Variants in ELAVL2 observed in about 807,000 individuals in gnomAD.
The protein encoded by ELAVL2 is ELAV like RNA binding protein 2.
Under a neutral mutation model 34.6 loss-of-function variants are expected in ELAVL2, and 4 were observed. The ratio of observed to expected loss-of-function variants is 0.12; its 90% CI spans 0.06 to 0.26. The LOEUF is 0.26. Among genes scored for constraint, ELAVL2 ranks in the 10% least tolerant of loss-of-function variants. The pLI is 1.00. For synonymous variants in ELAVL2, 193 were observed against 154.8 expected (o/e 1.25, Z -1.83); for missense variants, 432 against 442.8 (o/e 0.98, Z 0.22).
intron 1 of ELAVL2, among the ~76,000 whole-genome samples, chr9:23,811,282 T>G (rs2062951765): frequency 6.7e-6 from 1 of 150,004 alleles, no homozygotes; most frequent in South Asian, 2.1e-4. Flanking sequence ...GCCTCTCCAC[T>G]AAATCAAAAA....
intron 1 of ELAVL2, among the ~76,000 whole-genome samples, chr9:23,814,629 C>T (rs540238441): frequency 6.6e-6 from 1 of 152,186 alleles, no homozygotes; most frequent in African/African-American, 2.4e-5. Flanking sequence ...CTGGGGAGAT[C>T]AAAAGTGGTG....
At chr9:23,792,597 C>T (rs1273385776) in intron 1 of ELAVL2, among the ~76,000 whole-genome samples, 1 of 152,126 alleles carries the variant, frequency 6.6e-6, no homozygotes, top group Admixed American at 6.5e-5. Flanking sequence ...ATCACTTGCT[C>T]AAATACCATC....
intron 2 of ELAVL2, among the ~76,000 whole-genome samples, chr9:23,741,728 C>T (rs929264855): frequency 2.6e-4 from 40 of 152,072 alleles, no homozygotes; most frequent in Non-Finnish European, 5.9e-5. Context: ...GAGAGAGCCA[C>T]TGAACAAGAC....
intron 1 of ELAVL2, among the ~76,000 whole-genome samples, chr9:23,766,190 A>T (rs2056220326): frequency 6.6e-6 from 1 of 152,206 alleles, no homozygotes; most frequent in Non-Finnish European, 1.5e-5. Flanking sequence ...ACTTTCTGGC[A>T]TCTATCAAAA....
At chr9:23,835,836 T>A in the ELAVL2 span, among the ~76,000 whole-genome samples, 1 of 152,184 alleles carries the variant, frequency 6.6e-6, no homozygotes, top group Admixed American at 6.5e-5. Flanking sequence ...TCTAAATTCA[T>A]TGTAGGTAAC....
the ELAVL2 span, among the ~76,000 whole-genome samples, chr9:23,836,644 T>C: frequency 6.6e-6 from 1 of 151,928 alleles, no homozygotes; most frequent in Non-Finnish European, 1.5e-5. Context: ...AAATCTCAAT[T>C]GGGTGTGTGT....
intron 1 of ELAVL2, among the ~76,000 whole-genome samples, chr9:23,791,406 T>C (rs999434262): frequency 1.3e-5 from 2 of 152,290 alleles, no homozygotes; most frequent in Admixed American, 6.5e-5. Context: ...AGAACTGAAG[T>C]GTATCTCCCA....
chr9:23,784,542 C>G (rs947260862), intron 1 of ELAVL2, among the ~76,000 whole-genome samples: 1 of 152,072 alleles, frequency 6.6e-6, no homozygotes, highest in African/African-American at 2.4e-5. Context: ...TAATTTGTAC[C>G]CTGAGGAATG....
intron 2 of ELAVL2, among the ~76,000 whole-genome samples, chr9:23,741,854 GT>G (rs1213166500): frequency 1.3e-5 from 2 of 152,102 alleles, no homozygotes; most frequent in Non-Finnish European, 2.9e-5. Flanking sequence ...CATCTTCTCA[GT>G]TTGCTGGCTC....
chr9:23,760,343 CTTTT>C (rs1329888632), intron 2 of ELAVL2, among the ~76,000 whole-genome samples: 2 of 151,862 alleles, frequency 1.3e-5, no homozygotes, highest in Non-Finnish European at 2.9e-5. Flanking sequence ...ATGCATCTTT[CTTTT>C]TAATAGTAAG....
At chr9:23,750,536 A>G (rs1407575735) in intron 2 of ELAVL2, among the ~76,000 whole-genome samples, 6 of 152,142 alleles carry the variant, frequency 3.9e-5, no homozygotes, top group Non-Finnish European at 7.4e-5. Context: ...TGTCTGCACC[A>G]TATAATGGCA....
intron 1 of ELAVL2, among the ~76,000 whole-genome samples, chr9:23,779,696 C>A (rs2058771640): frequency 6.6e-6 from 1 of 151,882 alleles, no homozygotes; most frequent in South Asian, 2.1e-4. Context: ...GAGACACCAC[C>A]ATCCAATTCA....
chr9:23,797,788 C>T (rs539662524), intron 1 of ELAVL2, among the ~76,000 whole-genome samples: 1 of 152,156 alleles, frequency 6.6e-6, no homozygotes. Context: ...ATTAGGTGGG[C>T]GTGGTGGCGC....
chr9:23,774,088 G>A (rs1043679576), intron 1 of ELAVL2, among the ~76,000 whole-genome samples: 2 of 151,830 alleles, frequency 1.3e-5, no homozygotes, highest in East Asian at 1.9e-4. Context: ...GCGGGCGCCT[G>A]TAGTCCCAGC....
At chr9:23,693,954 G>T (rs550367833) in intron 5 of ELAVL2, among the ~76,000 whole-genome samples, 72 of 152,256 alleles carry the variant, frequency 4.7e-4, no homozygotes, top group African/African-American at 1.7e-3. Flanking sequence ...AACTCTGCAG[G>T]TTACAGAATT....
At chr9:23,729,609 A>T (rs1473723375) in intron 3 of ELAVL2, among the ~76,000 whole-genome samples, 1 of 152,112 alleles carries the variant, frequency 6.6e-6, no homozygotes, top group African/African-American at 2.4e-5. Flanking sequence ...TACAGTAACC[A>T]GTTCATTTTC....
intron 3 of ELAVL2, among the ~76,000 whole-genome samples, chr9:23,727,022 T>C (rs2045375053): frequency 6.6e-6 from 1 of 152,042 alleles, no homozygotes; most frequent in Non-Finnish European, 1.5e-5. Flanking sequence ...CCCACCCCCA[T>C]GCCTGAACTG....
chr9:23,740,704 T>C (rs973310037), intron 2 of ELAVL2, among the ~76,000 whole-genome samples: 1 of 152,134 alleles, frequency 6.6e-6, no homozygotes, highest in Non-Finnish European at 1.5e-5. Flanking sequence ...CACAAACCAC[T>C]TAAGCCCCCA....
chr9:23,742,419 G>A (rs2049443189), intron 2 of ELAVL2, among the ~76,000 whole-genome samples: 1 of 152,136 alleles, frequency 6.6e-6, no homozygotes, highest in East Asian at 1.9e-4. Flanking sequence ...CCTTGTGAAT[G>A]CACGTACATA....
Sources: allele counts gnomAD v4.1 joint callset (sites outside exome capture counted in the v4.1 genomes callset), GRCh38; gene constraint gnomAD v4.1.1; transcripts MANE v1.5; gene names NCBI Gene and HGNC (gene_info 2026-07-23, HGNC 2026-07-21).